The following TBX6 variants were observed in gnomAD, a reference collection of about 807,000 sequenced individuals.
TBX6 encodes the protein T-box transcription factor 6.
In TBX6, 29 loss-of-function variants were observed where a neutral mutation model predicts 42.3. The observed-to-expected ratio is 0.69, with a 90% CI of 0.51 to 0.93. The LOEUF (loss-of-function observed/expected upper bound fraction) is 0.93. Ranked by LOEUF, TBX6 falls within the 40% of genes least tolerant of loss-of-function variation. The pLI is 0.00. For missense variants in TBX6, 569 were observed against 603.3 expected, an observed-to-expected ratio of 0.94 and a Z score of 0.59; for synonymous variants, 249 against 245.1, an observed-to-expected ratio of 1.02 and a Z score of -0.15.
chr16:30,088,585 AG>A lies in TBX6; in HGVS notation c.798del (p.Phe267LeufsTer20). ...CCGTTCTCCCGGAAGCCTTTGGCAA[AG>A]GGATTGGCTGCAATCTTCAGTTGTG... ...QITQLKIAAN[P>X]FAKGFRENGR... On this transcript the variant is annotated frameshift_variant, in exon 6 of 9. Coordinates refer to ENST00000395224, the MANE Select transcript of TBX6 (RefSeq NM_004608.4). LOFTEE classifies it high-confidence loss of function. The surrounding 1 kb of genome is among the most constrained non-coding windows in gnomAD (Gnocchi z 4.1). The A allele has an allele frequency of 6.2e-7, 1 of 1,614,224 alleles. No individual in the cohort carries two copies. The highest frequency in any genetic ancestry group is 8.5e-7 in the Non-Finnish European group (1 of 1,180,042).
intron 3 of TBX6, among the ~76,000 whole-genome samples, chr16:30,090,554 T>G (rs2072705150): frequency 6.6e-6 from 1 of 152,044 alleles, no homozygotes; most frequent in Admixed American, 6.6e-5. Context: ...AGCCACAGAC[T>G]CCACAGACTG....
chr16:30,085,893 G>A lies in TBX6; in HGVS notation c.*332C>T. 2.8e-6 allele frequency: 1 copy of A among 359,432 alleles called. No individual in the cohort carries two copies. The highest frequency in any genetic ancestry group is 5.1e-6 in the Non-Finnish European group (1 of 196,996). The allele number at this position is 359,432 out of a possible 1,614,324, so 22.3% of individuals were successfully genotyped here. ...TGCACCAGTGTGTGTGGGGGGGTGG[G>A]GATTGAGCCCCTCCAGAGCCCATGG... is the stretch of plus-strand genomic sequence containing the variant. On this transcript the variant is annotated 3_prime_UTR_variant, in exon 9 of 9. Transcript: ENST00000395224.
intron 3 of TBX6, 119 bp downstream of exon 3, chr16:30,090,639 T>C: frequency 1.9e-6 from 2 of 1,027,846 alleles, no homozygotes; most frequent in African/African-American, 3.3e-5. Flanking sequence ...ATAGTCAGAT[T>C]CTAGGCCTAG....
Position 30,088,755 on chromosome 16 carries a change from T to G in TBX6, c.706A>C (p.Met236Leu). The G allele has an allele frequency of 6.2e-7, 1 of 1,613,974 alleles. No homozygotes were observed. Among genetic ancestry groups the G allele is most frequent in the Non-Finnish European group, 8.5e-7 (1 of 1,179,924 alleles). ...AQLCSQHWGGMASFRFPETTF... is the reference protein window; with the variant it reads ...AQLCSQHWGGLASFRFPETTF... ...GTCTCGGGGAAGCGGAAGGAGGCCATGCCCCCCCAGTGCTGGCTGCAGAGC... is the reference window on the plus strand; with the variant it reads ...GTCTCGGGGAAGCGGAAGGAGGCCAGGCCCCCCCAGTGCTGGCTGCAGAGC... The change falls in exon 5 of 9, where the codon ATG becomes CTG. Residue 236 changes from methionine (M) to leucine (L), a missense_variant. By Grantham distance (15) the Met-to-Leu change is conservative (BLOSUM62 2). Around this residue, in one of 3 missense-constraint regions of TBX6, gnomAD observed 190 missense variants for 250.6 expected, o/e 0.76. Transcript: ENST00000395224. This position sits in a 1 kb window ranked among gnomAD's most constrained non-coding sequence, Gnocchi z 4.1.
At position 30,086,662 on chromosome 16, in the gene TBX6, C is replaced by T. The variant is rs1335058111; in HGVS notation, c.947G>A (p.Gly316Asp). 1.2e-6 allele frequency: 2 copies of T among 1,610,802 alleles called. No homozygotes were observed. The highest frequency in any genetic ancestry group is 1.7e-6 in the Non-Finnish European group (2 of 1,178,790). Residue 316 changes from glycine to aspartate, a missense_variant, in exon 8 of 9, where the codon GGT becomes GAT. By Grantham distance (94) the Gly-to-Asp change is moderately conservative (BLOSUM62 -1). Coordinates refer to ENST00000395224, the MANE Select transcript of TBX6 (RefSeq NM_004608.4). The surrounding 1 kb of genome is among the most constrained non-coding windows in gnomAD (Gnocchi z 4.6). ...TPGGPCDSTLGGDIRESDPEQ... is the reference protein window; with the variant it reads ...TPGGPCDSTLDGDIRESDPEQ... Reference sequence around the variant, plus strand: ...TGGATCTGATTCACGAATGTCTCCACCCAGGGTGGAGTCGCAGGGACCACC... The same window carrying T: ...TGGATCTGATTCACGAATGTCTCCATCCAGGGTGGAGTCGCAGGGACCACC...
Position 30,086,761 on chromosome 16 carries a change from A to G in TBX6, c.913+17T>C, listed in dbSNP as rs773903321. 3.7e-6 allele frequency: 6 copies of G among 1,613,792 alleles called. No homozygotes were observed. The highest frequency in any genetic ancestry group is 1.3e-5 in the African/African-American group (1 of 74,880). ...CTGTCTCAGGCCTGGCCCCATCGCCATCGGGACTACACTCACCTCCGCTCC... is the reference window on the plus strand; with the variant it reads ...CTGTCTCAGGCCTGGCCCCATCGCCGTCGGGACTACACTCACCTCCGCTCC... On this transcript the variant is annotated intron_variant, in intron 7 of 8. Coordinates refer to ENST00000395224, the MANE Select transcript of TBX6 (RefSeq NM_004608.4). This position sits in a 1 kb window ranked among gnomAD's most constrained non-coding sequence, Gnocchi z 4.6.
rs1567342910 is a variant in TBX6, at chr16:30,090,899, G to C, written c.212C>G (p.Pro71Arg). 1.5e-5 allele frequency: 24 copies of C among 1,611,190 alleles called. No individual in the cohort carries two copies. Among genetic ancestry groups the C allele is most frequent in the Admixed American group, 5.0e-5 (3 of 59,748 alleles). ...AAHPPLPLLP[P>R]AMGTEPAPSA... ...TGGGGCCGGCTCAGTGCCCATGGCAGGGGGCAGAAGGGGCAGAGGTGGGTG... is the reference window on the plus strand; with the variant it reads ...TGGGGCCGGCTCAGTGCCCATGGCACGGGGCAGAAGGGGCAGAGGTGGGTG... Residue 71 changes from proline (P) to arginine (R), a missense_variant, in exon 3 of 9, where the codon CCT becomes CGT. Pro to Arg is a moderately radical substitution (Grantham distance 103, BLOSUM62 -2). Coordinates refer to ENST00000395224, the MANE Select transcript of TBX6 (RefSeq NM_004608.4).
At chr16:30,089,243 G>C (rs748739321) in intron 3 of TBX6, 33 bp from the exon 4 acceptor site, 2 of 1,594,046 alleles carry the variant, frequency 1.3e-6, no homozygotes, top group Non-Finnish European at 1.7e-6. Context: ...GAGGCCTGGA[G>C]CTACCCACTG....
rs763017972 is a variant in TBX6, at chr16:30,086,363, G to A, written c.1173C>T (p.His391=). Residue 391 remains histidine (H), a synonymous_variant, in exon 9 of 9, where the codon CAC becomes CAT. Coordinates refer to ENST00000395224, the MANE Select transcript of TBX6 (RefSeq NM_004608.4). This position sits in a 1 kb window ranked among gnomAD's most constrained non-coding sequence, Gnocchi z 4.6. ...PYSAAFLELP[H]GSGGSGYPAA... The stretch of plus-strand genomic sequence containing the variant: ...CTGGGTACCCGGAGCCCCCTGACCC[G>A]TGCGGCAGCTCCAGAAATGCAGCCG... 103 of 1,580,178 alleles carry A rather than the reference G, an allele frequency of 6.5e-5. No individual in the cohort carries two copies. The South Asian group carries it at 8.1e-4, about 12-fold the overall frequency.
chr16:30,088,915 T>C lies in TBX6; in HGVS notation c.621+28A>G. On this transcript the variant is annotated intron_variant, in intron 4 of 8. Coordinates refer to ENST00000395224, the MANE Select transcript of TBX6 (RefSeq NM_004608.4). The surrounding 1 kb of genome is among the most constrained non-coding windows in gnomAD (Gnocchi z 4.1). The stretch of plus-strand genomic sequence containing the variant: ...CCTCCCTTCCAGCACCCCCCAACCC[T>C]ATCCTGGAGTCCCAGCCTGGGCCTC... 1 of 1,603,024 alleles carries C rather than the reference T, an allele frequency of 6.2e-7. No individual in the cohort carries two copies. The highest frequency in any genetic ancestry group is 8.5e-7 in the Non-Finnish European group (1 of 1,171,888).
rs965710312 is a variant in TBX6, at chr16:30,091,089, G to A, written c.105C>T (p.Gly35=). The change falls in exon 2 of 9, where the codon GGC becomes GGT. Residue 35 remains glycine, a synonymous_variant. Coordinates refer to ENST00000395224, the MANE Select transcript of TBX6 (RefSeq NM_004608.4). ...CCCAACGCTCACCGGGGTAGCGGTA[G>A]CCCTCCGCTAGGGCGGGTGGGAAGC... is the stretch of plus-strand genomic sequence containing the variant. The part of the protein sequence containing the change: ...DSSFPPALAE[G]YRYPELDTPK... The A allele has an allele frequency of 1.9e-6, 3 of 1,584,230 alleles. No homozygotes were observed. The highest frequency in any genetic ancestry group is 1.3e-5 in the African/African-American group (1 of 74,798).
In TBX6 at chr16:30,086,516, T is replaced by TG; in HGVS notation, c.1092dup (p.Thr365HisfsTer122). The TG allele has an allele frequency of 6.6e-7, 1 of 1,504,606 alleles. No homozygotes were observed. The highest frequency in any genetic ancestry group is 8.8e-7 in the Non-Finnish European group (1 of 1,129,992). 93.2% of individuals were successfully genotyped at this position (1,504,606 alleles called of 1,614,324 possible). A position where few individuals can be genotyped will look rare whatever the true frequency, so the allele number is the denominator to read the frequency against. ...CTGGTCCCCTGTCCCACTCACCTGG[T>TG]GGGAAGGTGACTGGGGGCCCCATGG... On this transcript the variant is annotated frameshift_variant, in exon 8 of 9. Transcript: ENST00000395224. LOFTEE classifies it high-confidence loss of function. The surrounding 1 kb of genome is among the most constrained non-coding windows in gnomAD (Gnocchi z 4.6).
In TBX6 at chr16:30,086,449, G is replaced by A. The variant is rs1596848103; in HGVS notation, c.1098-11C>T. ...GGGAAGCTGGGGCTCCTGACATGGA[G>A]AGAGGGATGTCAGAGCAGGGCAGAG... On this transcript the variant is annotated splice_polypyrimidine_tract_variant and intron_variant, in intron 8 of 8. Transcript: ENST00000395224. This position sits in a 1 kb window ranked among gnomAD's most constrained non-coding sequence, Gnocchi z 4.6. 5.3e-6 allele frequency: 8 copies of A among 1,503,022 alleles called. No homozygotes were observed. Among genetic ancestry groups the A allele is most frequent in the Non-Finnish European group, 7.1e-6 (8 of 1,130,178 alleles). 93.1% of individuals were successfully genotyped at this position (1,503,022 alleles called of 1,614,324 possible).
Position 30,090,792 on chromosome 16 carries a change from C to A in TBX6, c.319G>T (p.Val107Leu), listed in dbSNP as rs1295125636. Residue 107 changes from valine (V) to leucine (L), a missense_variant, in exon 3 of 9, where the codon GTG becomes TTG. By Grantham distance (32) the Val-to-Leu change is conservative. Transcript: ENST00000395224. ...TTGGTGATGATCATTTCTGTTCCCA[C>A]AGAGCTGAACTCCTTCCATAGCTCC... ...NRELWKEFSS[V>L]GTEMIITKAG... 1 of 1,605,266 alleles carries A rather than the reference C, an allele frequency of 6.2e-7. No homozygotes were observed. The highest frequency in any genetic ancestry group is 2.2e-5 in the East Asian group (1 of 44,860).
chr16:30,086,707 G>A lies in TBX6; in HGVS notation c.914-12C>T, dbSNP rs780276800. 2.5e-6 allele frequency: 4 copies of A among 1,612,820 alleles called. No individual in the cohort carries two copies. The South Asian group carries it at 4.4e-5, about 18-fold the overall frequency. On this transcript the variant is annotated splice_polypyrimidine_tract_variant and intron_variant, in intron 7 of 8. Coordinates refer to ENST00000395224, the MANE Select transcript of TBX6 (RefSeq NM_004608.4). This position sits in a 1 kb window ranked among gnomAD's most constrained non-coding sequence, Gnocchi z 4.6. ...ACCACCTGGTGTGTCTGGGGAGAGG[G>A]AAGGGAGAGGTTGGGCTAGGGAGGA...
rs754734967 is a variant in TBX6 at position 30,086,718 on chromosome 16, T to C, written c.914-23A>G. On this transcript the variant is annotated intron_variant, in intron 7 of 8. Coordinates refer to ENST00000395224, the MANE Select transcript of TBX6 (RefSeq NM_004608.4). The surrounding 1 kb of genome is among the most constrained non-coding windows in gnomAD (Gnocchi z 4.6). ...TGTCTGGGGAGAGGGAAGGGAGAGG[T>C]TGGGCTAGGGAGGATCCCTGTCTCA... 3.1e-6 allele frequency: 5 copies of C among 1,611,962 alleles called. No homozygotes were observed. In the South Asian group the frequency reaches 5.5e-5, roughly 18 times the overall value.
In TBX6 at chr16:30,091,184, G is replaced by T. The variant is rs770854367; in HGVS notation, c.10C>A (p.Pro4Thr). 1 of 1,582,666 alleles carries T rather than the reference G, an allele frequency of 6.3e-7. No individual in the cohort carries two copies. The highest frequency in any genetic ancestry group is 8.6e-7 in the Non-Finnish European group (1 of 1,167,132). ...CCCAGGGACGGGTACAATTCTCGTGGATGGTACATGTTGTAGTTCCGTCTG... is the reference window on the plus strand; with the variant it reads ...CCCAGGGACGGGTACAATTCTCGTGTATGGTACATGTTGTAGTTCCGTCTG... MYH[P>T]RELYPSLGAG... Residue 4 changes from proline (P) to threonine (T), a missense_variant, in exon 2 of 9, where the codon CCA (proline) becomes ACA (threonine). By Grantham distance (38) the Pro-to-Thr change is conservative. Transcript: ENST00000395224.
chr16:30,085,874 A>C lies in TBX6; in HGVS notation c.*351T>G, dbSNP rs1596846530. The C allele has an allele frequency of 3.1e-6, 1 of 324,234 alleles. No homozygotes were observed. The highest frequency in any genetic ancestry group is 5.7e-6 in the Non-Finnish European group (1 of 174,842). The allele number at this position is 324,234 out of a possible 1,614,324, so 20.1% of individuals were successfully genotyped here. ...ACAACAGACTGGTGTGGCCTGCACCAGTGTGTGTGGGGGGGTGGGGATTGA... is the reference window on the plus strand; with the variant it reads ...ACAACAGACTGGTGTGGCCTGCACCCGTGTGTGTGGGGGGGTGGGGATTGA... On this transcript the variant is annotated 3_prime_UTR_variant, in exon 9 of 9. Transcript: ENST00000395224.
At position 30,086,293 on chromosome 16, in the gene TBX6, C is replaced by G. The variant is rs1177425852; in HGVS notation, c.1243G>C (p.Gly415Arg). Residue 415 changes from glycine (G) to arginine (R), a missense_variant, in exon 9 of 9, where the codon GGC becomes CGC. Gly to Arg is a moderately radical substitution (Grantham distance 125, BLOSUM62 -2). Transcript: ENST00000395224. This position sits in a 1 kb window ranked among gnomAD's most constrained non-coding sequence, Gnocchi z 4.6. ...VPFAPHFLQG[G>R]PFPLPYTAPG... ...GCGGTGTATGGTAGAGGGAAGGGGC[C>G]CCCTTGGAGAAAGTGCGGGGCAAAG... 1.2e-6 allele frequency: 2 copies of G among 1,611,684 alleles called. No homozygotes were observed. Among genetic ancestry groups the G allele is most frequent in the Non-Finnish European group, 8.5e-7 (1 of 1,179,348 alleles).
Sources: allele counts gnomAD v4.1 joint callset (sites outside exome capture counted in the v4.1 genomes callset), GRCh38; gene constraint gnomAD v4.1.1; regional missense constraint gnomAD v4.1.1; non-coding constraint Gnocchi (gnomAD v3.1); transcripts MANE v1.5; gene names NCBI Gene and HGNC (gene_info 2026-07-23, HGNC 2026-07-21).